TMTC1: variants seen among roughly 807,000 people sequenced by gnomAD.
The protein encoded by TMTC1 is protein O-mannosyl-transferase TMTC1.
Under a neutral mutation model 104.8 loss-of-function variants are expected in TMTC1, and 73 were observed. The observed-to-expected ratio is 0.70, with a 90% confidence interval of 0.58 to 0.85. TMTC1 has a LOEUF of 0.85. TMTC1 is among the 40% of genes least tolerant of loss of function. TMTC1 has a pLI of 0.00. For synonymous variants in TMTC1, 434 were observed against 428.7 expected, an observed-to-expected ratio of 1.01 and a Z score of -0.15; for missense variants, 1,035 against 1,096.1, an observed-to-expected ratio of 0.94 and a Z score of 0.79.
intron 10 of TMTC1, among the ~76,000 whole-genome samples, chr12:29,543,299 T>A (rs1390080899): frequency 6.6e-6 from 1 of 152,242 alleles, no homozygotes; most frequent in East Asian, 1.9e-4. Context: ...TCGCCACATT[T>A]TTCTTTTAGT....
chr12:29,508,885 C>T (rs1357031348), intron 17 of TMTC1, among the ~76,000 whole-genome samples: 1 of 152,018 alleles, frequency 6.6e-6, no homozygotes, highest in Non-Finnish European at 1.5e-5. Flanking sequence ...GCCTAGAAGC[C>T]CTATTTTAAA....
chr12:29,575,520 C>A (rs1945797238), intron 8 of TMTC1, among the ~76,000 whole-genome samples: 1 of 151,794 alleles, frequency 6.6e-6, no homozygotes, highest in Admixed American at 6.6e-5. Flanking sequence ...AAATAACAGC[C>A]CCCGAGAACT....
chr12:29,555,395 T>C (rs1945213864), intron 10 of TMTC1, among the ~76,000 whole-genome samples: 1 of 152,118 alleles, frequency 6.6e-6, no homozygotes. Context: ...TACATAGTTA[T>C]ACATGTGTCA....
At chr12:29,614,583 G>C (rs192159666) in intron 6 of TMTC1, among the ~76,000 whole-genome samples, 60 of 152,320 alleles carry the variant, frequency 3.9e-4, no homozygotes, top group Admixed American at 8.5e-4. Flanking sequence ...GTAATTTTCT[G>C]AGTTCAGACA....
At chr12:29,755,467 T>C (rs1943192114) in intron 4 of TMTC1, among the ~76,000 whole-genome samples, 1 of 152,230 alleles carries the variant, frequency 6.6e-6, no homozygotes, top group African/African-American at 2.4e-5. Context: ...TACTTTTCAA[T>C]TCCAAATCTG....
intron 4 of TMTC1, 89 bp downstream of exon 4, chr12:29,755,620 T>A: frequency 8.6e-7 from 1 of 1,159,576 alleles, no homozygotes; most frequent in Non-Finnish European, 1.2e-6. Flanking sequence ...TAAAGTGTTA[T>A]ATTTTTTAAA....
intron 5 of TMTC1, among the ~76,000 whole-genome samples, chr12:29,681,343 G>A (rs1400603310): frequency 6.6e-6 from 1 of 152,100 alleles, no homozygotes; most frequent in Non-Finnish European, 1.5e-5. Context: ...TGTCTCTCTT[G>A]ATAGATATTC....
chr12:29,687,469 A>T (rs541220577), intron 5 of TMTC1, among the ~76,000 whole-genome samples: 1 of 152,354 alleles, frequency 6.6e-6, no homozygotes, highest in South Asian at 2.1e-4. Flanking sequence ...TCCAAATTAA[A>T]CGAGACTAAG....
chr12:29,518,661 T>C (rs1258094047), intron 12 of TMTC1, 54 bp from the exon 13 acceptor site: 5 of 1,579,508 alleles, frequency 3.2e-6, no homozygotes, highest in Non-Finnish European at 4.3e-6. Context: ...ATAAAAGACA[T>C]GAACATTTCA....
At chr12:29,673,744 C>CTTTTTTTTTTTTTT (rs146463669) in intron 5 of TMTC1, among the ~76,000 whole-genome samples, 3 of 95,734 alleles carry the variant, frequency 3.1e-5, no homozygotes, top group African/African-American at 4.0e-5. Flanking sequence ...AGAGGGACTT[C>CTTTTTTTTTTTTTT]TTTTTTTTTT....
intron 5 of TMTC1, among the ~76,000 whole-genome samples, chr12:29,646,686 A>G (rs1156364924): frequency 6.6e-6 from 1 of 152,164 alleles, no homozygotes; most frequent in Non-Finnish European, 1.5e-5. Flanking sequence ...ACGCTCATTG[A>G]CCTTGATAAT....
At chr12:29,583,712 C>T (rs548357309) in intron 7 of TMTC1, 138 bp from the exon 8 acceptor site, 27 of 712,666 alleles carry the variant, frequency 3.8e-5, no homozygotes, top group Admixed American at 1.3e-4. Flanking sequence ...CTGCCTTGGA[C>T]AATATTAACA....
At chr12:29,684,135 C>T (rs948263409) in intron 5 of TMTC1, among the ~76,000 whole-genome samples, 1 of 152,188 alleles carries the variant, frequency 6.6e-6, no homozygotes, top group East Asian at 1.9e-4. Flanking sequence ...TGAGCCCCTG[C>T]GTCCAACCCT....
chr12:29,769,532 G>A (rs1397738784), intron 1 of TMTC1, among the ~76,000 whole-genome samples: 1 of 152,200 alleles, frequency 6.6e-6, no homozygotes, highest in African/African-American at 2.4e-5. Flanking sequence ...AAACACACAC[G>A]AGGCAGCAGA....
chr12:29,661,575 T>C (rs370522907), intron 5 of TMTC1, among the ~76,000 whole-genome samples: 63,029 of 149,122 alleles, frequency 0.42, 13,973 homozygotes, highest in African/African-American at 0.53. Flanking sequence ...GTACTTTTTG[T>C]ATTTTTAGTA....
At chr12:29,583,752 G>A (rs954756657) in intron 7 of TMTC1, among the ~76,000 whole-genome samples, 178 bp from the exon 8 acceptor site, 3 of 152,204 alleles carry the variant, frequency 2.0e-5, no homozygotes, top group Non-Finnish European at 4.4e-5. Context: ...TGCACTAGCA[G>A]GTTTGCTATT....
chr12:29,575,874 G>A (rs1945808569), intron 8 of TMTC1, among the ~76,000 whole-genome samples: 1 of 152,192 alleles, frequency 6.6e-6, no homozygotes, highest in East Asian at 1.9e-4. Context: ...AATGTACAAA[G>A]GTTCCCTTTT....
At chr12:29,773,463 A>G (rs569585095) in intron 1 of TMTC1, among the ~76,000 whole-genome samples, 3 of 152,278 alleles carry the variant, frequency 2.0e-5, no homozygotes, top group Admixed American at 2.0e-4. Flanking sequence ...TATTTGTGAA[A>G]CAGAGACACA....
intron 5 of TMTC1, among the ~76,000 whole-genome samples, chr12:29,698,304 T>C (rs532494709): frequency 4.6e-5 from 7 of 152,314 alleles, no homozygotes; most frequent in African/African-American, 1.2e-4. Context: ...CCTTGCCCTA[T>C]GTGGAAGTGT....
Sources: gnomAD v4.1 joint callset for allele counts (sites outside exome capture counted in the v4.1 genomes callset) on GRCh38, gnomAD v4.1.1 for gene constraint, MANE v1.5 for transcripts, NCBI Gene and HGNC (gene_info 2026-07-23, HGNC 2026-07-21) for gene names.